AP4S1: variants seen among roughly 807,000 people sequenced by gnomAD.
AP4S1 encodes AP-4 complex subunit sigma-1.
A neutral mutation model predicts 19.8 loss-of-function variants in AP4S1; 23 were observed. The observed-to-expected ratio is 1.16, with a 90% CI of 0.84 to 1.65. AP4S1 has a LOEUF of 1.65. Ranked by LOEUF, AP4S1 falls within the 40% of genes most tolerant of loss-of-function variation. The pLI, the probability that AP4S1 is intolerant of heterozygous loss-of-function variation, is 0.00. For synonymous variants in AP4S1, 46 were observed against 54.1 expected, an observed-to-expected ratio of 0.85 and a Z score of 0.66; for missense variants, 166 against 172.8, an observed-to-expected ratio of 0.96 and a Z score of 0.22.
intron 1 of AP4S1, among the ~76,000 whole-genome samples, chr14:31,045,869 G>A (rs545747035): frequency 4.6e-4 from 70 of 152,006 alleles, no homozygotes; most frequent in African/African-American, 1.7e-3. Context: ...CTCAGGGTGG[G>A]GCCAGTCTAG....
chr14:31,044,240 T>C (rs1885267942), intron 1 of AP4S1, among the ~76,000 whole-genome samples: 1 of 152,194 alleles, frequency 6.6e-6, no homozygotes, highest in Admixed American at 6.5e-5. Context: ...AACCCTTCCT[T>C]TTCTACTTAT....
At chr14:31,082,090 T>C (rs929155659) in intron 5 of AP4S1, among the ~76,000 whole-genome samples, 2 of 152,160 alleles carry the variant, frequency 1.3e-5, no homozygotes, top group Non-Finnish European at 2.9e-5. Context: ...TATTTACTTG[T>C]TATTACTGAT....
intron 2 of AP4S1, among the ~76,000 whole-genome samples, chr14:31,067,476 A>G (rs1370509332): frequency 1.5e-5 from 2 of 129,842 alleles, no homozygotes; most frequent in African/African-American, 5.8e-5. Flanking sequence ...CCTGTGTCCA[A>G]GTGTTCTCAT....
chr14:31,093,102 T>C lies in AP4S1; in HGVS notation c.*67T>C. On this transcript the variant is annotated 3_prime_UTR_variant, in exon 6 of 6. Transcript: ENST00000542754. Reference sequence around the variant, plus strand: ...GAGTACCGTGGAATACATCTCAACATGTTAACCCAGAAGAATCTGGAAGAC... The same window carrying C: ...GAGTACCGTGGAATACATCTCAACACGTTAACCCAGAAGAATCTGGAAGAC... 6.8e-7 allele frequency: 1 copy of C among 1,473,168 alleles called. No individual in the cohort carries two copies. The highest frequency in any genetic ancestry group is 9.0e-7 in the Non-Finnish European group (1 of 1,105,374). 91.3% of individuals were successfully genotyped at this position (1,473,168 alleles called of 1,614,324 possible). A position where few individuals can be genotyped will look rare whatever the true frequency, so the allele number is the denominator to read the frequency against.
chr14:31,091,147 G>C lies in AP4S1; in HGVS notation c.307-1760G>C, dbSNP rs1888065731. ...CATCTGAACAGCAGATCATCTGCTT[G>C]CCAAAGATGGGGCAGTCCACAGAGC... On this transcript the variant is annotated intron_variant, in intron 5 of 5. Coordinates refer to ENST00000542754, the MANE Select transcript of AP4S1 (RefSeq NM_001128126.3). Among the ~76,000 whole-genome samples, 4 of 152,212 alleles carry C rather than the reference G, an allele frequency of 2.6e-5. No individual in the cohort carries two copies. In the South Asian group the frequency reaches 8.3e-4, roughly 32 times the overall value.
Position 31,084,775 on chromosome 14 carries a change from A to G in AP4S1, c.306+4191A>G, listed in dbSNP as rs200969079. On this transcript the variant is annotated intron_variant, in intron 5 of 5. Transcript: ENST00000542754. ...ATTAAGGTGTTTTTTTTAGGAACCA[A>G]TTGATGAACTTCCCAAAATATGCTC... The G allele has an allele frequency of 3.7e-4, 593 of 1,614,160 alleles. 3 individuals are homozygous for G. In the Middle Eastern group the frequency reaches 4.9e-3, roughly 13 times the overall value.
intron 2 of AP4S1, among the ~76,000 whole-genome samples, chr14:31,069,020 G>A (rs2139580808): frequency 6.6e-6 from 1 of 152,190 alleles, no homozygotes; most frequent in East Asian, 1.9e-4. Context: ...CTTTCCCATA[G>A]AGGAATTTCC....
Position 31,066,273 on chromosome 14 carries a change from A to C in AP4S1, c.77A>C (p.Asn26Thr), listed in dbSNP as rs1212833763. 1.3e-5 allele frequency: 21 copies of C among 1,613,914 alleles called. No individual in the cohort carries two copies. The Admixed American group carries it at 3.5e-4, about 27-fold the overall frequency. ...LSKYYEHVDI[N>T]KRTLLETEVI... ...AAGTACTATGAACATGTGGATATTA[A>C]TAAGCGTACACTTCTGGAAACAGAA... The change falls in exon 2 of 6, where the codon AAT becomes ACT. Residue 26 changes from asparagine to threonine, a missense_variant. Physicochemically the swap from Asn to Thr is moderately conservative, Grantham distance 65 (BLOSUM62 0). Transcript: ENST00000542754.
intron 2 of AP4S1, among the ~76,000 whole-genome samples, 200 bp downstream of exon 2, chr14:31,066,534 C>T (rs146628387): frequency 1.3e-5 from 2 of 152,226 alleles, no homozygotes; most frequent in East Asian, 1.9e-4. Context: ...ACAAGGAAAA[C>T]CTGGAAGAAT....
intron 4 of AP4S1, among the ~76,000 whole-genome samples, chr14:31,073,484 C>G (rs1339007288): frequency 6.7e-6 from 1 of 148,736 alleles, no homozygotes; most frequent in African/African-American, 2.5e-5. Context: ...AGCGAGACTC[C>G]GTCTCAGAAA....
intron 5 of AP4S1, among the ~76,000 whole-genome samples, chr14:31,083,852 C>A (rs1249643161): frequency 6.6e-6 from 1 of 152,100 alleles, no homozygotes; most frequent in African/African-American, 2.4e-5. Flanking sequence ...TCCTCTGCTT[C>A]ATACATAGTC....
chr14:31,077,587 C>T (rs58320021), intron 4 of AP4S1, among the ~76,000 whole-genome samples: 5,699 of 152,236 alleles, frequency 0.037, 346 homozygotes, highest in African/African-American at 0.13. Context: ...ACCATTGCAT[C>T]AGAAGCTGTA....
intron 1 of AP4S1, among the ~76,000 whole-genome samples, chr14:31,060,999 C>G (rs1033053803): frequency 6.6e-6 from 1 of 152,116 alleles, no homozygotes; most frequent in African/African-American, 2.4e-5. Flanking sequence ...AAACAATCCT[C>G]CTGCCTCAGC....
At chr14:31,044,906 A>C (rs960198333) in intron 1 of AP4S1, among the ~76,000 whole-genome samples, 1 of 144,388 alleles carries the variant, frequency 6.9e-6, no homozygotes, top group African/African-American at 2.5e-5. Context: ...GTTTTCTATA[A>C]TTTTTTTTTT....
At chr14:31,043,046 C>T (rs543173740) in intron 1 of AP4S1, among the ~76,000 whole-genome samples, 26 of 152,078 alleles carry the variant, frequency 1.7e-4, no homozygotes, top group Non-Finnish European at 3.5e-4. Context: ...CATGGTGAAA[C>T]CCTGTCTCTA....
intron 1 of AP4S1, among the ~76,000 whole-genome samples, chr14:31,061,091 A>T (rs1298965740): frequency 6.6e-6 from 1 of 152,092 alleles, no homozygotes; most frequent in Non-Finnish European, 1.5e-5. Flanking sequence ...GAGTTTCACC[A>T]TGAGGTCTGG....
At chr14:31,051,553 A>C (rs1336208277) in intron 1 of AP4S1, among the ~76,000 whole-genome samples, 1 of 152,184 alleles carries the variant, frequency 6.6e-6, no homozygotes, top group African/African-American at 2.4e-5. Context: ...TTAGATGTTC[A>C]CTTTGCATAG....
intron 5 of AP4S1, chr14:31,086,006 T>TGGTGTGCA (rs1887905662): frequency 4.9e-6 from 1 of 204,494 alleles, no homozygotes; most frequent in Non-Finnish European, 8.6e-6. Context: ...TGGAGAATGA[T>TGGTGTGCA]GGTGTGCAGG....
Position 31,095,904 on chromosome 14 carries a change from T to G in AP4S1, c.*2869T>G, listed in dbSNP as rs1000690921. The G allele has an allele frequency of 7.9e-5, 12 of 151,744 alleles. No homozygotes were observed. Among genetic ancestry groups the G allele is most frequent in the Admixed American group, 5.9e-4 (9 of 15,224 alleles). The allele number at this position is 151,744 out of a possible 1,614,324, so 9.4% of individuals were successfully genotyped here. A position where few individuals can be genotyped will look rare whatever the true frequency, so the allele number is the denominator to read the frequency against. ...TTCAAGACCAGCTTGGCCAACATGG[T>G]GAGACCCTGTCTCTACTAAAACTAC... On this transcript the variant is annotated 3_prime_UTR_variant, in exon 6 of 6. Transcript: ENST00000542754.
Sources: allele counts gnomAD v4.1 joint callset (sites outside exome capture counted in the v4.1 genomes callset), GRCh38; gene constraint gnomAD v4.1.1; transcripts MANE v1.5; gene names NCBI Gene and HGNC (gene_info 2026-07-23, HGNC 2026-07-21).